ADGRL3: variants seen among roughly 807,000 people sequenced by gnomAD.
ADGRL3 encodes the protein adhesion G protein-coupled receptor L3, also known as calcium-independent alpha-latrotoxin receptor 3.
A neutral mutation model predicts 153.5 loss-of-function variants in ADGRL3; 62 were observed. That is an observed-to-expected ratio of 0.40 (90% confidence interval 0.33 to 0.50). ADGRL3 has a LOEUF of 0.50. Ranked by LOEUF, ADGRL3 falls within the 20% of genes least tolerant of loss-of-function variation. ADGRL3 has a pLI of 0.47. For synonymous variants in ADGRL3, 710 were observed against 672.5 expected, an observed-to-expected ratio of 1.06 and a Z score of -0.86; for missense variants, 1,641 against 1,859.4, an observed-to-expected ratio of 0.88 and a Z score of 2.16.
chr4:61,834,216 G>T (rs1033502256), intron 9 of ADGRL3, among the ~76,000 whole-genome samples: 10 of 151,054 alleles, frequency 6.6e-5, no homozygotes, highest in East Asian at 2.0e-4. Context: ...GCGGTGTTTG[G>T]TTTTTTGTCC....
In ADGRL3 at chr4:61,200,399, C is replaced by G. The variant is rs1449873465; in HGVS notation, c.-1606C>G. 6.6e-6 allele frequency among the ~76,000 whole-genome samples: 1 copy of G among 151,846 alleles called. No homozygotes were observed. The highest frequency in any genetic ancestry group is 1.5e-5 in the Non-Finnish European group (1 of 67,948). On this transcript the variant is annotated 5_prime_UTR_variant, in exon 1 of 27. Coordinates refer to ENST00000683033, the MANE Select transcript of ADGRL3 (RefSeq NM_001387552.1). Reference sequence around the variant, plus strand: ...TGCACGGTCCCCGCGCGCCCGCGCTCTGACCCGCTGTCTGCGCGTCGCCCC... The same window carrying G: ...TGCACGGTCCCCGCGCGCCCGCGCTGTGACCCGCTGTCTGCGCGTCGCCCC...
chr4:61,754,620 T>A (rs1053707000), intron 8 of ADGRL3, among the ~76,000 whole-genome samples: 6 of 151,578 alleles, frequency 4.0e-5, no homozygotes, highest in Non-Finnish European at 5.9e-5. Context: ...ATATATATAT[T>A]TATTTATTAT....
intron 6 of ADGRL3, among the ~76,000 whole-genome samples, chr4:61,711,082 C>A (rs981889638): frequency 5.3e-5 from 8 of 151,960 alleles, no homozygotes; most frequent in Non-Finnish European, 1.2e-4. Context: ...ATGAAAGTTA[C>A]CAAGAGTTGG....
intron 9 of ADGRL3, among the ~76,000 whole-genome samples, chr4:61,870,306 T>A (rs1272619075): frequency 6.6e-6 from 1 of 152,028 alleles, no homozygotes; most frequent in Non-Finnish European, 1.5e-5. Context: ...TACACAAAAA[T>A]TAACTCAAAA....
intron 4 of ADGRL3, among the ~76,000 whole-genome samples, chr4:61,541,472 A>G (rs771030429): frequency 1.3e-5 from 2 of 150,666 alleles, no homozygotes; most frequent in Middle Eastern, 3.5e-3. Context: ...TATATCTTTG[A>G]AAGCCTGTGT....
chr4:61,652,150 A>G (rs1213097392), intron 5 of ADGRL3, among the ~76,000 whole-genome samples: 5 of 152,202 alleles, frequency 3.3e-5, no homozygotes, highest in Non-Finnish European at 7.3e-5. Flanking sequence ...TATTTTGGCA[A>G]GCATTCAAAG....
At chr4:61,448,862 G>A (rs1486543069) in intron 2 of ADGRL3, among the ~76,000 whole-genome samples, 1 of 5,094 alleles carries the variant, frequency 2.0e-4, no homozygotes, top group Non-Finnish European at 1.3e-3. Flanking sequence ...GGAAGGGAGG[G>A]AAGGAAGGAA....
chr4:61,509,428 C>T (rs2098450673), intron 3 of ADGRL3, among the ~76,000 whole-genome samples: 1 of 151,992 alleles, frequency 6.6e-6, no homozygotes, highest in South Asian at 2.1e-4. Context: ...GCGCCTGGCA[C>T]ATATCACATC....
intron 6 of ADGRL3, among the ~76,000 whole-genome samples, chr4:61,683,584 G>A (rs568789330): frequency 1.2e-4 from 18 of 152,174 alleles, no homozygotes; most frequent in Middle Eastern, 3.4e-3. Flanking sequence ...TTAAAGTGAA[G>A]ACACCACTCA....
intron 1 of ADGRL3, among the ~76,000 whole-genome samples, chr4:61,267,191 A>G (rs2092900616): frequency 6.6e-6 from 1 of 151,774 alleles, no homozygotes; most frequent in Admixed American, 6.6e-5. Context: ...TTTTCTAAAA[A>G]CAAAATAAAT....
At chr4:61,936,415 T>TA (rs887061258) in intron 15 of ADGRL3, among the ~76,000 whole-genome samples, 3 of 152,066 alleles carry the variant, frequency 2.0e-5, no homozygotes, top group Admixed American at 1.3e-4. Flanking sequence ...TACTTGTAAT[T>TA]AAAAAAATAT....
At chr4:61,913,003 G>T (rs1245060879) in intron 13 of ADGRL3, among the ~76,000 whole-genome samples, 1 of 152,146 alleles carries the variant, frequency 6.6e-6, no homozygotes, top group Non-Finnish European at 1.5e-5. Flanking sequence ...TCACCAAGAG[G>T]TGAGTTGGGT....
intron 13 of ADGRL3, among the ~76,000 whole-genome samples, chr4:61,929,779 T>TG (rs1292534591): frequency 6.6e-6 from 1 of 152,078 alleles, no homozygotes; most frequent in Admixed American, 6.6e-5. Context: ...GGTTTAAGGA[T>TG]GGGGGGATTC....
At chr4:61,790,955 C>G (rs1261974868) in intron 8 of ADGRL3, among the ~76,000 whole-genome samples, 1 of 152,138 alleles carries the variant, frequency 6.6e-6, no homozygotes. Context: ...GACCCACCCC[C>G]ATGATTCAGT....
chr4:61,406,542 T>G (rs1578681660), intron 2 of ADGRL3, among the ~76,000 whole-genome samples: 1 of 151,836 alleles, frequency 6.6e-6, no homozygotes, highest in African/African-American at 2.4e-5. Context: ...GTATTGATAA[T>G]GCATTTTAAT....
chr4:61,500,014 A>ACACAC (rs1491413971), intron 3 of ADGRL3, among the ~76,000 whole-genome samples: 2 of 127,422 alleles, frequency 1.6e-5, no homozygotes, highest in Non-Finnish European at 3.3e-5. Flanking sequence ...ACACACACAC[A>ACACAC]TACACACACA....
At chr4:61,618,269 T>G (rs973702914) in intron 5 of ADGRL3, among the ~76,000 whole-genome samples, 2 of 152,230 alleles carry the variant, frequency 1.3e-5, no homozygotes, top group Admixed American at 6.5e-5. Flanking sequence ...TTTTATCTTT[T>G]TATCTAGTAA....
intron 2 of ADGRL3, among the ~76,000 whole-genome samples, chr4:61,392,364 C>T (rs542676233): frequency 6.6e-6 from 1 of 151,816 alleles, no homozygotes; most frequent in East Asian, 2.0e-4. Flanking sequence ...AGAATTTACA[C>T]GCATAAATGG....
Position 61,666,138 on chromosome 4 carries a change from A to G in ADGRL3, c.474-10688A>G, listed in dbSNP as rs140242470. ...TTTTTCTTTTTTAACAGCTAAGTAT[A>G]TATGCAGACACACACATGCACACAG... On this transcript the variant is annotated intron_variant, in intron 5 of 26. Coordinates refer to ENST00000683033, the MANE Select transcript of ADGRL3 (RefSeq NM_001387552.1). Among the ~76,000 whole-genome samples the G allele has an allele frequency of 1.6e-3, 245 of 152,292 alleles. 2 individuals carry two copies. The highest frequency in any genetic ancestry group is 5.7e-3 in the African/African-American group (235 of 41,570).
Sources: allele counts gnomAD v4.1 joint callset (sites outside exome capture counted in the v4.1 genomes callset), GRCh38; gene constraint gnomAD v4.1.1; transcripts MANE v1.5; gene names NCBI Gene and HGNC (gene_info 2026-07-23, HGNC 2026-07-21).